The following BACH1 variants were observed in gnomAD, a reference collection of about 807,000 sequenced individuals.
BACH1 encodes the protein transcription regulator protein BACH1.
BACH1 carries 35 observed loss-of-function variants against 52.9 expected under a neutral mutation model. The observed-to-expected ratio is 0.66, with a 90% CI of 0.51 to 0.88. The LOEUF (loss-of-function observed/expected upper bound fraction) is 0.88. Among genes scored for constraint, BACH1 ranks in the 40% least tolerant of loss-of-function variants. The probability of loss-of-function intolerance (pLI) is 0.00; values close to 1 mark genes in which losing one functional copy is unlikely to be tolerated. For missense variants in BACH1, 808 were observed against 872.6 expected, an observed-to-expected ratio of 0.93 and a Z score of 0.93; for synonymous variants, 321 against 319.6, an observed-to-expected ratio of 1.00 and a Z score of -0.05.
At chr21:29,301,479 T>A (rs1041157805) in intron 1 of BACH1, among the ~76,000 whole-genome samples, 7 of 152,224 alleles carry the variant, frequency 4.6e-5, no homozygotes, top group African/African-American at 1.7e-4. Context: ...ATATTCCATT[T>A]AAGTTTTATT....
At chr21:29,351,662 A>C (rs2089203017) in intron 2 of BACH1, 1 of 534,644 alleles carries the variant, frequency 1.9e-6, no homozygotes, top group Non-Finnish European at 3.8e-6. Context: ...ATGTGCCAAG[A>C]AGTGTTCCAT....
chr21:29,319,433 G>C (rs117433803), intron 1 of BACH1, among the ~76,000 whole-genome samples: 19 of 151,828 alleles, frequency 1.3e-4, no homozygotes, highest in Admixed American at 8.5e-4. Context: ...TCTGAGGTTG[G>C]GTCCCAGTCA....
At chr21:29,327,899 A>G (rs1399590099) in intron 3 of BACH1, among the ~76,000 whole-genome samples, 1 of 152,256 alleles carries the variant, frequency 6.6e-6, no homozygotes, top group Non-Finnish European at 1.5e-5. Context: ...ATTCGTTTCC[A>G]GTAGATATAT....
At chr21:29,322,057 T>C (rs2088854817) in intron 2 of BACH1, among the ~76,000 whole-genome samples, 2 of 152,150 alleles carry the variant, frequency 1.3e-5, no homozygotes, top group African/African-American at 2.4e-5. Flanking sequence ...AGAGAACTTG[T>C]GCAGTGAAGC....
At chr21:29,309,705 T>C (rs1487623616) in intron 1 of BACH1, among the ~76,000 whole-genome samples, 1 of 152,234 alleles carries the variant, frequency 6.6e-6, no homozygotes, top group Admixed American at 6.5e-5. Flanking sequence ...GAATTTTTAT[T>C]ATAGGAAGTG....
intron 2 of BACH1, among the ~76,000 whole-genome samples, chr21:29,358,760 AAAAGAAAAGAAAAG>A (rs1232089367): frequency 2.9e-5 from 3 of 105,088 alleles, no homozygotes; most frequent in Admixed American, 1.0e-4. Context: ...AAAAGAAAAG[AAAAGAAAAGAAAAG>A]AAAGAAAGAA....
intron 1 of BACH1, among the ~76,000 whole-genome samples, chr21:29,301,969 C>T (rs2088608734): frequency 6.6e-6 from 1 of 152,232 alleles, no homozygotes; most frequent in East Asian, 1.9e-4. Flanking sequence ...GCCTTCTACA[C>T]CCCTGTACTG....
chr21:29,299,105 ACGTATCGGGGCCCGCGGGGGGCG>A (rs1168767336), intron 1 of BACH1, among the ~76,000 whole-genome samples, 152 bp downstream of exon 1: 1 of 149,400 alleles, frequency 6.7e-6, no homozygotes, highest in Non-Finnish European at 1.5e-5. Flanking sequence ...CGCGGGGGGC[ACGTATCGGGGCCCGCGGGGGGCG>A]CCGGCGGCCG....
chr21:29,322,982 G>A (rs1344134312), intron 2 of BACH1, among the ~76,000 whole-genome samples: 1 of 152,056 alleles, frequency 6.6e-6, no homozygotes, highest in Non-Finnish European at 1.5e-5. Context: ...TAGGAGGAAA[G>A]GTATGTGCAT....
chr21:29,361,762 T>G (rs1461488215), intron 2 of BACH1: 1 of 152,212 alleles, frequency 6.6e-6, no homozygotes, highest in Non-Finnish European at 1.5e-5. Context: ...AAAACGCATC[T>G]CCATTTACAT....
chr21:29,307,629 A>G (rs775758678), intron 1 of BACH1, among the ~76,000 whole-genome samples: 5 of 152,152 alleles, frequency 3.3e-5, no homozygotes, highest in Non-Finnish European at 5.9e-5. Context: ...GTATTTTATT[A>G]TTGTTAATCT....
rs1488419883 is a variant in BACH1 at position 29,326,235 on chromosome 21, G to A, written c.411G>A (p.Gln137=). 1 of 1,614,118 alleles carries A rather than the reference G, an allele frequency of 6.2e-7. No individual in the cohort carries two copies. The highest frequency in any genetic ancestry group is 8.5e-7 in the Non-Finnish European group (1 of 1,180,012). ...KFKFLDSTAD[Q]QECPRKKCFS... is the part of the protein sequence containing the mutation. ...AGTTTTTGGACTCCACTGCAGACCA[G>A]CAAGAATGCCCAAGAAAAAAATGCT... Residue 137 remains glutamine (Q), a synonymous_variant, in exon 3 of 5, where the codon CAG becomes CAA. Coordinates refer to ENST00000286800, the MANE Select transcript of BACH1 (RefSeq NM_001186.4).
At chr21:29,335,361 T>G (rs1322710023) in intron 4 of BACH1, among the ~76,000 whole-genome samples, 1 of 152,224 alleles carries the variant, frequency 6.6e-6, no homozygotes, top group Admixed American at 6.5e-5. Context: ...ATGTATTAGT[T>G]GTACTTTAAA....
intron 1 of BACH1, among the ~76,000 whole-genome samples, chr21:29,317,404 T>G (rs2088799971): frequency 6.6e-6 from 1 of 152,204 alleles, no homozygotes; most frequent in South Asian, 2.1e-4. Flanking sequence ...GTTGTGACAT[T>G]TAAACAGAGA....
chr21:29,321,552 T>C lies in BACH1; in HGVS notation c.234+38T>C, dbSNP rs766288545. 6 of 1,561,962 alleles carry C rather than the reference T, an allele frequency of 3.8e-6. No individual in the cohort carries two copies. The African/African-American group carries it at 6.8e-5, about 18-fold the overall frequency. ...TGTTTTTGGCAATTTTAATCTACTT[T>C]TACTTAAGTTTTTTATGGTTCATAA... On this transcript the variant is annotated intron_variant, in intron 2 of 4. Coordinates refer to ENST00000286800, the MANE Select transcript of BACH1 (RefSeq NM_001186.4).
At position 29,345,642 on chromosome 21, in the gene BACH1, T is replaced by C. The variant is rs1346330614; in HGVS notation, c.*2809T>C. 6.6e-6 allele frequency: 1 copy of C among 152,630 alleles called. No homozygotes were observed. The highest frequency in any genetic ancestry group is 1.5e-5 in the Non-Finnish European group (1 of 68,028). The allele number at this position is 152,630 out of a possible 1,614,324, so 9.5% of individuals were successfully genotyped here. On this transcript the variant is annotated 3_prime_UTR_variant, in exon 5 of 5. Coordinates refer to ENST00000286800, the MANE Select transcript of BACH1 (RefSeq NM_001186.4). ...CTATAGCTTACTGCTTAACTAATTT[T>C]AAATAAGGAAATAAGTATGTTAGAT... is the stretch of plus-strand genomic sequence containing the variant.
chr21:29,337,929 T>TAAAACAAAAAAAAAACA (rs2089064351), intron 4 of BACH1, among the ~76,000 whole-genome samples: 1 of 151,772 alleles, frequency 6.6e-6, no homozygotes, highest in African/African-American at 2.4e-5. Context: ...AACTCCGTCT[T>TAAAACAAAAAAAAAACA]AAAACAAAAA....
At chr21:29,358,802 G>GAAAGA (rs994878354) in intron 2 of BACH1, among the ~76,000 whole-genome samples, 1 of 129,534 alleles carries the variant, frequency 7.7e-6, no homozygotes, top group Non-Finnish European at 1.8e-5. Context: ...AAGAAAGAAA[G>GAAAGA]AAAGAAAGAA....
rs758736159 is a variant in BACH1 at position 29,326,257 on chromosome 21, T to A, written c.433T>A (p.Cys145Ser). ...CCAGCAAGAATGCCCAAGAAAAAAA[T>A]GCTTTTCATCACACTGTCAGAAAAC... Reference protein sequence around the residue: ...ADQQECPRKKCFSSHCQKTDL... With the variant: ...ADQQECPRKKSFSSHCQKTDL... Residue 145 changes from cysteine (C) to serine (S), a missense_variant, in exon 3 of 5, where the codon TGC (cysteine) becomes AGC (serine). Cys to Ser is a moderately radical substitution (Grantham distance 112, BLOSUM62 -1). Transcript: ENST00000286800. 5 of 1,613,958 alleles carry A rather than the reference T, an allele frequency of 3.1e-6. No individual in the cohort carries two copies. The highest frequency in any genetic ancestry group is 4.2e-6 in the Non-Finnish European group (5 of 1,180,018).
Sources: gnomAD v4.1 joint callset for allele counts (sites outside exome capture counted in the v4.1 genomes callset) on GRCh38, gnomAD v4.1.1 for gene constraint, MANE v1.5 for transcripts, NCBI Gene and HGNC (gene_info 2026-07-23, HGNC 2026-07-21) for gene names.